The following NAV2 variants were observed in gnomAD, a reference collection of about 807,000 sequenced individuals.
NAV2 encodes the protein neuron navigator 2.
A neutral mutation model predicts 223.2 loss-of-function variants in NAV2; 54 were observed. The observed-to-expected ratio is 0.24, with a 90% CI of 0.19 to 0.30. The LOEUF (loss-of-function observed/expected upper bound fraction) is 0.30. NAV2 is among the 10% of genes least tolerant of loss of function. The pLI, the probability that NAV2 is intolerant of heterozygous loss-of-function variation, is 1.00. For missense variants in NAV2, 2,806 were observed against 3,147.5 expected (o/e 0.89, Z 2.60); for synonymous variants, 1,279 against 1,239.3 (o/e 1.03, Z -0.67).
At chr11:19,935,869 T>TTTTTTTTTGTTTTG (rs1423968722) in intron 7 of NAV2, among the ~76,000 whole-genome samples, 1 of 125,764 alleles carries the variant, frequency 8.0e-6, no homozygotes, top group Admixed American at 8.1e-5. Flanking sequence ...TTTTTTTTTT[T>TTTTTTTTTGTTTTG]TTTTTTGAGA....
rs570264987 is a variant in NAV2 at position 19,705,282 on chromosome 11, C to T, written c.76-127202C>T. Among the ~76,000 whole-genome samples the T allele has an allele frequency of 7.2e-5, 11 of 152,282 alleles. 1 individual carries two copies. In the South Asian group the frequency reaches 2.3e-3, roughly 32 times the overall value. ...GGTAAAGCCCTAGGTGGTGCTCACT[C>T]CAAAATACCAGCTAGAGCCAACTGT... On this transcript the variant is annotated intron_variant, in intron 1 of 37. Transcript: ENST00000360655.
chr11:19,689,731 C>A (rs2049114749), intron 1 of NAV2, among the ~76,000 whole-genome samples: 1 of 152,162 alleles, frequency 6.6e-6, no homozygotes, highest in Non-Finnish European at 1.5e-5. Flanking sequence ...TCAGCTTGCC[C>A]GTTCACTGGC....
At chr11:19,963,043 G>A (rs2048463781) in intron 10 of NAV2, among the ~76,000 whole-genome samples, 1 of 152,204 alleles carries the variant, frequency 6.6e-6, no homozygotes. Context: ...CGAAATAAAT[G>A]TGGTGTTGGC....
chr11:19,763,798 T>TG (rs1353263314), intron 1 of NAV2, among the ~76,000 whole-genome samples: 7 of 90,360 alleles, frequency 7.7e-5, no homozygotes, highest in African/African-American at 3.1e-4. Context: ...TTTGTTTTTT[T>TG]TGTTTTTTTT....
At chr11:19,609,522 A>AAG (rs1041559183) in intron 1 of NAV2, among the ~76,000 whole-genome samples, 1 of 152,142 alleles carries the variant, frequency 6.6e-6, no homozygotes, top group African/African-American at 2.4e-5. Flanking sequence ...AGCATGGGCA[A>AAG]AGGTCTAAAG....
intron 1 of NAV2, among the ~76,000 whole-genome samples, chr11:19,764,934 G>T (rs1175642085): frequency 6.6e-6 from 1 of 152,050 alleles, no homozygotes; most frequent in African/African-American, 2.4e-5. Flanking sequence ...ATATTCAGTT[G>T]CACATCTTTG....
At chr11:19,821,856 G>A (rs2059397048) in intron 1 of NAV2, among the ~76,000 whole-genome samples, 1 of 152,182 alleles carries the variant, frequency 6.6e-6, no homozygotes, top group Non-Finnish European at 1.5e-5. Context: ...CCGCACTGCT[G>A]TAGCACTTGA....
intron 1 of NAV2, among the ~76,000 whole-genome samples, chr11:19,426,085 A>C (rs959871265): frequency 1.3e-5 from 2 of 152,208 alleles, no homozygotes; most frequent in African/African-American, 4.8e-5. Flanking sequence ...ACTCTAGCTC[A>C]GTGATTCTGA....
chr11:19,567,024 A>G (rs1260476603), intron 1 of NAV2, among the ~76,000 whole-genome samples: 1 of 152,224 alleles, frequency 6.6e-6, no homozygotes, highest in African/African-American at 2.4e-5. Context: ...CGAGAAATCT[A>G]CATTAGACCA....
At chr11:19,377,892 G>A (rs994551020) in intron 1 of NAV2, among the ~76,000 whole-genome samples, 5 of 152,166 alleles carry the variant, frequency 3.3e-5, no homozygotes, top group Non-Finnish European at 5.9e-5. Context: ...TGAAGGAGAT[G>A]GGAGTGGGGT....
intron 1 of NAV2, among the ~76,000 whole-genome samples, chr11:19,632,738 G>A (rs2047382099): frequency 6.6e-6 from 1 of 152,138 alleles, no homozygotes; most frequent in Non-Finnish European, 1.5e-5. Context: ...CTCTCCACTG[G>A]GCTAGAAACC....
chr11:19,551,495 G>A (rs1405225852), intron 1 of NAV2, among the ~76,000 whole-genome samples: 1 of 152,154 alleles, frequency 6.6e-6, no homozygotes, highest in African/African-American at 2.4e-5. Flanking sequence ...GCCTGTCCCT[G>A]ATCCACTTGC....
chr11:19,558,924 G>A (rs1713162731), intron 1 of NAV2, among the ~76,000 whole-genome samples: 1 of 152,144 alleles, frequency 6.6e-6, no homozygotes, highest in African/African-American at 2.4e-5. Flanking sequence ...CCCTATACAT[G>A]GTGGCGCAGG....
chr11:20,062,781 G>A (rs531982084), intron 20 of NAV2, among the ~76,000 whole-genome samples: 6 of 152,222 alleles, frequency 3.9e-5, no homozygotes, highest in Admixed American at 2.0e-4. Flanking sequence ...TGCAACCTCC[G>A]CCTCCTGGGC....
chr11:19,638,055 G>A (rs767117910), intron 1 of NAV2, among the ~76,000 whole-genome samples: 23 of 152,070 alleles, frequency 1.5e-4, no homozygotes, highest in African/African-American at 3.9e-4. Context: ...ATATTGATAC[G>A]TCACTTGTAA....
chr11:19,683,218 A>G (rs1331643964), intron 1 of NAV2, among the ~76,000 whole-genome samples: 4 of 152,196 alleles, frequency 2.6e-5, no homozygotes, highest in Non-Finnish European at 4.4e-5. Context: ...TTCTTCTGGG[A>G]CACATGTAAG....
At chr11:19,794,731 G>A (rs1467126297) in intron 1 of NAV2, among the ~76,000 whole-genome samples, 1 of 152,052 alleles carries the variant, frequency 6.6e-6, no homozygotes, top group Non-Finnish European at 1.5e-5. Context: ...GCATTTTTAT[G>A]GGATGTCTAG....
At chr11:19,367,579 G>T (rs1048467768) in intron 1 of NAV2, among the ~76,000 whole-genome samples, 6 of 152,080 alleles carry the variant, frequency 3.9e-5, no homozygotes, top group Admixed American at 3.3e-4. Flanking sequence ...GCTCCCACTG[G>T]CTCTCTAGAT....
At chr11:19,865,531 G>A (rs959203027) in intron 3 of NAV2, among the ~76,000 whole-genome samples, 2 of 152,190 alleles carry the variant, frequency 1.3e-5, no homozygotes, top group African/African-American at 4.8e-5. Context: ...GCAGATGAAA[G>A]AGCGTGGGTC....
Sources: gnomAD v4.1 joint callset for allele counts (sites outside exome capture counted in the v4.1 genomes callset) on GRCh38, gnomAD v4.1.1 for gene constraint, MANE v1.5 for transcripts, NCBI Gene and HGNC (gene_info 2026-07-23, HGNC 2026-07-21) for gene names.